Variants in NAV3 observed in about 807,000 individuals in gnomAD.
NAV3 encodes pore membrane and/or filament interacting like protein 1.
Under a neutral mutation model 244.7 loss-of-function variants are expected in NAV3, and 87 were observed. That is an observed-to-expected ratio of 0.36 (90% CI 0.30 to 0.42). NAV3 has a LOEUF of 0.42. Among genes scored for constraint, NAV3 ranks in the 20% least tolerant of loss-of-function variants. NAV3 has a pLI of 1.00. For synonymous variants in NAV3, 1,126 were observed against 1,042.2 expected, an observed-to-expected ratio of 1.08 and a Z score of -1.55; for missense variants, 2,663 against 2,893.3, an observed-to-expected ratio of 0.92 and a Z score of 1.83.
chr12:78,069,397 CA>C (rs1198546783), intron 12 of NAV3, among the ~76,000 whole-genome samples: 1 of 151,982 alleles, frequency 6.6e-6, no homozygotes, highest in Non-Finnish European at 1.5e-5. Flanking sequence ...GTAATCCTCT[CA>C]TCCCAAAGAC....
intron 9 of NAV3, 43 bp downstream of exon 9, chr12:78,021,905 C>A: frequency 8.0e-7 from 1 of 1,256,344 alleles, no homozygotes; most frequent in Non-Finnish European, 1.1e-6. Context: ...TAGGAATTTC[C>A]GTATTCTCTC....
At position 78,177,189 on chromosome 12, in the gene NAV3, C is replaced by G. The variant is rs1257837468; in HGVS notation, c.5173C>G (p.Pro1725Ala). The change falls in exon 27 of 40, where the codon CCT becomes GCT. Residue 1725 changes from proline to alanine, a missense_variant. By Grantham distance (27) the Pro-to-Ala change is conservative. Around this residue, in one of 6 missense-constraint regions of NAV3, gnomAD observed 193 missense variants for 200.7 expected, o/e 0.96. Coordinates refer to ENST00000397909, the MANE Select transcript of NAV3 (RefSeq NM_001024383.2). ...QAFGKKKSTK[P>A]PSSHSDIEEL... ...CTTTGGGAAGAAAAAGTCCACCAAG[C>G]CTCCTTCATCACATTCTGACATTGA... is the stretch of plus-strand genomic sequence containing the variant. 1 of 1,613,458 alleles carries G rather than the reference C, an allele frequency of 6.2e-7. No homozygotes were observed. Among genetic ancestry groups the G allele is most frequent in the African/African-American group, 1.3e-5 (1 of 74,970 alleles).
intron 2 of NAV3, among the ~76,000 whole-genome samples, chr12:77,615,072 A>G (rs533383181): frequency 6.6e-6 from 1 of 152,292 alleles, no homozygotes; most frequent in African/African-American, 2.4e-5. Flanking sequence ...TGTATGTATA[A>G]TGTGAGATAT....
chr12:77,855,814 C>T (rs1782442290), intron 1 of NAV3, among the ~76,000 whole-genome samples: 1 of 152,214 alleles, frequency 6.6e-6, no homozygotes, highest in Admixed American at 6.5e-5. Context: ...CAGCACATTG[C>T]AGATACGTGA....
At chr12:78,067,662 A>C (rs542330064) in intron 12 of NAV3, among the ~76,000 whole-genome samples, 1 of 152,084 alleles carries the variant, frequency 6.6e-6, no homozygotes, top group Non-Finnish European at 1.5e-5. Context: ...CTTATATTAG[A>C]AGAGCATTAG....
intron 29 of NAV3, among the ~76,000 whole-genome samples, 194 bp downstream of exon 29, chr12:78,179,876 G>A (rs1234706019): frequency 6.6e-6 from 1 of 152,132 alleles, no homozygotes; most frequent in African/African-American, 2.4e-5. Flanking sequence ...GGAAGTGGGA[G>A]TGCAAACTGG....
intron 2 of NAV3, among the ~76,000 whole-genome samples, chr12:77,622,171 CT>C (rs1405341582): frequency 6.6e-6 from 1 of 150,562 alleles, no homozygotes; most frequent in South Asian, 2.1e-4. Context: ...TTTCTTTTTT[CT>C]TTTTTGAGAC....
intron 3 of NAV3, among the ~76,000 whole-genome samples, chr12:77,962,658 T>C (rs1317951904): frequency 3.3e-5 from 5 of 152,074 alleles, no homozygotes; most frequent in Non-Finnish European, 5.9e-5. Flanking sequence ...AAAGAGGCAA[T>C]GTAGGCATGG....
intron 12 of NAV3, among the ~76,000 whole-genome samples, chr12:78,087,154 A>C (rs1287166187): frequency 6.6e-6 from 1 of 152,008 alleles, no homozygotes; most frequent in Non-Finnish European, 1.5e-5. Context: ...GAATTAGAGA[A>C]AATTAGCTTC....
At chr12:78,052,130 T>C (rs1471677149) in intron 11 of NAV3, 1 of 152,202 alleles carries the variant, frequency 6.6e-6, no homozygotes, top group African/African-American at 2.4e-5. Flanking sequence ...TTTACGCATC[T>C]GAGAGGACCC....
intron 5 of NAV3, among the ~76,000 whole-genome samples, chr12:77,975,764 A>G (rs559425781): frequency 6.6e-6 from 1 of 152,100 alleles, no homozygotes; most frequent in Non-Finnish European, 1.5e-5. Context: ...CCCTGTTGCC[A>G]TTGTAAAGAC....
chr12:78,174,117 C>T (rs1958121668), intron 24 of NAV3, among the ~76,000 whole-genome samples: 1 of 151,586 alleles, frequency 6.6e-6, no homozygotes, highest in Non-Finnish European at 1.5e-5. Context: ...GCCTTGATGC[C>T]AATAAGTATA....
At chr12:77,769,934 T>C (rs1319907941) in intron 2 of NAV3, among the ~76,000 whole-genome samples, 1 of 152,050 alleles carries the variant, frequency 6.6e-6, no homozygotes, top group Non-Finnish European at 1.5e-5. Flanking sequence ...AACTAGGATA[T>C]TTTTTTTCTT....
At chr12:77,696,266 A>C (rs149891318) in intron 2 of NAV3, among the ~76,000 whole-genome samples, 1 of 152,112 alleles carries the variant, frequency 6.6e-6, no homozygotes, top group East Asian at 1.9e-4. Context: ...TGCTATTTCT[A>C]TGATTAGGTT....
chr12:78,190,247 C>T (rs1958913430), intron 34 of NAV3, 28 bp downstream of exon 34: 2 of 1,554,836 alleles, frequency 1.3e-6, no homozygotes, highest in Non-Finnish European at 1.8e-6. Flanking sequence ...AAGAGAACAG[C>T]TACAATTTAT....
chr12:78,079,153 A>T (rs1365487268), intron 12 of NAV3, among the ~76,000 whole-genome samples: 2 of 152,244 alleles, frequency 1.3e-5, no homozygotes, highest in Non-Finnish European at 2.9e-5. Context: ...GAACTGTCAC[A>T]GCATGAAGAA....
In NAV3 at chr12:78,190,069, G is replaced by T. The variant is rs761836956; in HGVS notation, c.6141G>T (p.Met2047Ile). Residue 2047 changes from methionine (M) to isoleucine (I), a missense_variant, in exon 34 of 40, where the codon ATG becomes ATT. Around this residue, in one of 6 missense-constraint regions of NAV3, gnomAD observed 543 missense variants for 672.4 expected, o/e 0.81. Transcript: ENST00000397909. ...PITQRYFNLLMEHHRIILSGP... is the reference protein window; with the variant it reads ...PITQRYFNLLIEHHRIILSGP... ...CCCAAAGGTACTTTAACTTGTTGAT[G>T]GAGCATCACAGAATTATACTCTCAG... 21 of 1,612,966 alleles carry T rather than the reference G, an allele frequency of 1.3e-5. No homozygotes were observed. Among genetic ancestry groups the T allele is most frequent in the Non-Finnish European group, 1.8e-5 (21 of 1,179,472 alleles).
At chr12:78,099,673 G>A (rs1480044884) in intron 12 of NAV3, among the ~76,000 whole-genome samples, 1 of 151,762 alleles carries the variant, frequency 6.6e-6, no homozygotes, top group East Asian at 1.9e-4. Context: ...CTATATAACA[G>A]CATCTTTAAA....
intron 2 of NAV3, among the ~76,000 whole-genome samples, chr12:77,776,473 T>G (rs7309722): frequency 0.54 from 81,854 of 152,062 alleles, 22,218 homozygotes; most frequent in South Asian, 0.66. Flanking sequence ...TTATAGAGTT[T>G]CTGTCAAGTT....
Sources: gnomAD v4.1 joint callset for allele counts (sites outside exome capture counted in the v4.1 genomes callset) on GRCh38, gnomAD v4.1.1 for gene constraint, gnomAD v4.1.1 regional missense constraint, MANE v1.5 for transcripts, NCBI Gene and HGNC (gene_info 2026-07-23, HGNC 2026-07-21) for gene names.